Variants in BAZ1A observed in about 807,000 individuals in gnomAD.
The protein encoded by BAZ1A is bromodomain adjacent to zinc finger domain protein 1A.
A neutral mutation model predicts 185.2 loss-of-function variants in BAZ1A; 50 were observed. That is an observed-to-expected ratio of 0.27 (90% CI 0.22 to 0.34). The LOEUF (loss-of-function observed/expected upper bound fraction) is 0.34, where lower values mean the gene tolerates loss of function less well. Among genes scored for constraint, BAZ1A ranks in the 10% least tolerant of loss-of-function variants. BAZ1A has a pLI of 1.00. For missense variants in BAZ1A, 1,356 were observed against 1,839.9 expected (o/e 0.74, Z 4.81); for synonymous variants, 571 against 615.6 (o/e 0.93, Z 1.07).
intron 3 of BAZ1A, among the ~76,000 whole-genome samples, chr14:34,846,141 T>C (rs939742662): frequency 5.3e-5 from 8 of 152,176 alleles, no homozygotes; most frequent in Non-Finnish European, 1.2e-4. Context: ...ACTATTCTAC[T>C]TCACCACCCT....
intron 7 of BAZ1A, 120 bp downstream of exon 7, chr14:34,802,734 G>T: frequency 3.0e-6 from 3 of 1,014,522 alleles, no homozygotes; most frequent in Non-Finnish European, 2.8e-6. Context: ...CATACTTTTT[G>T]GTGAGGTAAT....
chr14:34,799,769 G>A (rs982679907), intron 9 of BAZ1A, among the ~76,000 whole-genome samples: 3 of 151,956 alleles, frequency 2.0e-5, no homozygotes, highest in African/African-American at 7.3e-5. Context: ...ATACTACCAT[G>A]CCCGGCTAAG....
intron 3 of BAZ1A, among the ~76,000 whole-genome samples, chr14:34,851,995 C>T (rs192507474): frequency 2.0e-5 from 3 of 152,046 alleles, no homozygotes; most frequent in Admixed American, 1.3e-4. Flanking sequence ...GGCGTGGTGG[C>T]GGGTGCCTGT....
At chr14:34,866,227 T>C (rs28613490) in intron 2 of BAZ1A, among the ~76,000 whole-genome samples, 1,837 of 152,088 alleles carry the variant, frequency 0.012, 43 homozygotes, top group African/African-American at 0.041. Flanking sequence ...CTCACATCTA[T>C]AATCCCACCA....
rs565843460 is a variant in BAZ1A at position 34,792,761 on chromosome 14, T to C, written c.1510+14A>G. 1.9e-5 allele frequency: 30 copies of C among 1,611,906 alleles called. No individual in the cohort carries two copies. The African/African-American group carries it at 3.7e-4, about 20-fold the overall frequency. ...ACTACTATGGTTCAATCAGCAATAA[T>C]GTTGAACTCTGACCTTTGGTGTCAG... On this transcript the variant is annotated intron_variant, in intron 12 of 26. Transcript: ENST00000360310.
At chr14:34,768,167 C>G (rs902233304) in intron 21 of BAZ1A, among the ~76,000 whole-genome samples, 4 of 152,084 alleles carry the variant, frequency 2.6e-5, no homozygotes, top group African/African-American at 9.7e-5. Context: ...TAAATTCCTC[C>G]ATAAATTATT....
chr14:34,825,938 A>AG, intron 4 of BAZ1A, 75 bp downstream of exon 4: 1 of 1,213,564 alleles, frequency 8.2e-7, no homozygotes, highest in African/African-American at 2.8e-5. Context: ...ACTCTATCTC[A>AG]AAAAAAAAGT....
chr14:34,870,942 G>A (rs889863730), intron 2 of BAZ1A, among the ~76,000 whole-genome samples: 1 of 152,142 alleles, frequency 6.6e-6, no homozygotes, highest in Non-Finnish European at 1.5e-5. Context: ...CCAATGAAAA[G>A]CCAGTGTGAA....
chr14:34,872,686 T>A (rs951580198), intron 2 of BAZ1A, among the ~76,000 whole-genome samples: 3 of 152,124 alleles, frequency 2.0e-5, no homozygotes, highest in Non-Finnish European at 4.4e-5. Context: ...GATTTCTCCA[T>A]GGTTAGAATA....
intron 12 of BAZ1A, among the ~76,000 whole-genome samples, chr14:34,786,827 C>T (rs1255044632): frequency 2.0e-5 from 3 of 151,378 alleles, no homozygotes; most frequent in African/African-American, 7.3e-5. Flanking sequence ...AGGCTGGTCT[C>T]GAACTCCTGA....
intron 11 of BAZ1A, among the ~76,000 whole-genome samples, chr14:34,794,255 A>G (rs901971485): frequency 6.6e-6 from 1 of 152,242 alleles, no homozygotes; most frequent in African/African-American, 2.4e-5. Context: ...TCCTTATACT[A>G]TACTCATTAT....
At chr14:34,846,347 A>G (rs2042511828) in intron 3 of BAZ1A, among the ~76,000 whole-genome samples, 1 of 152,182 alleles carries the variant, frequency 6.6e-6, no homozygotes, top group Non-Finnish European at 1.5e-5. Flanking sequence ...AAGAATAAAG[A>G]AAATGCCATA....
chr14:34,764,781 T>C lies in BAZ1A; in HGVS notation c.3702A>G (p.Glu1234=). 6.2e-7 allele frequency: 1 copy of C among 1,611,432 alleles called. No homozygotes were observed. The highest frequency in any genetic ancestry group is 8.5e-7 in the Non-Finnish European group (1 of 1,177,556). Residue 1234 remains glutamate (E), a synonymous_variant, in exon 23 of 27, where the codon GAA becomes GAG. Transcript: ENST00000360310. ...GEDDEVDGDE[E]EGQSEEEEYE... is the part of the protein sequence containing the mutation. Reference sequence around the variant, plus strand: ...ACTCTTCCTCCTCACTTTGACCTTCTTCTTCATCGCCATCAACTTCATCAT... The same window carrying C: ...ACTCTTCCTCCTCACTTTGACCTTCCTCTTCATCGCCATCAACTTCATCAT...
intron 6 of BAZ1A, 91 bp from the exon 7 acceptor site, chr14:34,803,079 G>A (rs918691210): frequency 4.5e-6 from 6 of 1,324,908 alleles, no homozygotes; most frequent in South Asian, 1.3e-5. Flanking sequence ...CACTATTAAT[G>A]CTGTTAAAAG....
At chr14:34,830,886 GC>G (rs565079037) in intron 3 of BAZ1A, among the ~76,000 whole-genome samples, 219 of 150,522 alleles carry the variant, frequency 1.5e-3, no homozygotes, top group Non-Finnish European at 2.7e-3. Flanking sequence ...ATCCCAAGAA[GC>G]TGGGACTACA....
At chr14:34,787,626 T>C (rs1283414293) in intron 12 of BAZ1A, among the ~76,000 whole-genome samples, 1 of 151,880 alleles carries the variant, frequency 6.6e-6, no homozygotes, top group Admixed American at 6.6e-5. Context: ...CAGGTTTCAG[T>C]GAGCCGAGAT....
chr14:34,800,212 T>G lies in BAZ1A; in HGVS notation c.1128+12A>C. ...TATGTAGAGAGTATAGCTAATATACTCAAATGAATACCTTTTCTCTTTCTA... is the reference window on the plus strand; with the variant it reads ...TATGTAGAGAGTATAGCTAATATACGCAAATGAATACCTTTTCTCTTTCTA... On this transcript the variant is annotated intron_variant, in intron 9 of 26. Transcript: ENST00000360310. 1 of 1,387,798 alleles carries G rather than the reference T, an allele frequency of 7.2e-7. No individual in the cohort carries two copies. The highest frequency in any genetic ancestry group is 9.8e-7 in the Non-Finnish European group (1 of 1,021,094). 86.0% of individuals were successfully genotyped at this position (1,387,798 alleles called of 1,614,324 possible).
Position 34,753,294 on chromosome 14 carries a change from T to G in BAZ1A, c.*214A>C. Reference sequence around the variant, plus strand: ...CTCTGTAAACCAGTACTGTATCCAATACATCTATCAAACTTATTAGATACT... The same window carrying G: ...CTCTGTAAACCAGTACTGTATCCAAGACATCTATCAAACTTATTAGATACT... On this transcript the variant is annotated 3_prime_UTR_variant, in exon 27 of 27. Coordinates refer to ENST00000360310, the MANE Select transcript of BAZ1A (RefSeq NM_013448.3). The G allele has an allele frequency of 1.9e-6, 1 of 537,982 alleles. No individual in the cohort carries two copies. Among genetic ancestry groups the G allele is most frequent in the East Asian group, 3.0e-5 (1 of 33,182 alleles). The allele number at this position is 537,982 out of a possible 1,614,324, so 33.3% of individuals were successfully genotyped here.
At chr14:34,866,241 T>C (rs2042857427) in intron 2 of BAZ1A, among the ~76,000 whole-genome samples, 1 of 151,832 alleles carries the variant, frequency 6.6e-6, no homozygotes, top group African/African-American at 2.4e-5. Context: ...CCCACCACTT[T>C]GGAAGATTGA....
Sources: gnomAD v4.1 joint callset for allele counts (sites outside exome capture counted in the v4.1 genomes callset) on GRCh38, gnomAD v4.1.1 for gene constraint, MANE v1.5 for transcripts, NCBI Gene and HGNC (gene_info 2026-07-23, HGNC 2026-07-21) for gene names.